Variants in TMEM132D observed in about 807,000 individuals in gnomAD.
TMEM132D encodes mature OL transmembrane protein.
Under a neutral mutation model 62.3 loss-of-function variants are expected in TMEM132D, and 21 were observed. The ratio of observed to expected loss-of-function variants is 0.34; its 90% CI spans 0.24 to 0.49. TMEM132D has a LOEUF of 0.49. TMEM132D is among the 20% of genes least tolerant of loss of function. The pLI is 0.99. For missense variants in TMEM132D, 1,346 were observed against 1,402.8 expected, an observed-to-expected ratio of 0.96 and a Z score of 0.65; for synonymous variants, 621 against 575.6, an observed-to-expected ratio of 1.08 and a Z score of -1.13.
intron 5 of TMEM132D, among the ~76,000 whole-genome samples, chr12:129,162,142 A>C (rs564789556): frequency 6.9e-4 from 105 of 152,162 alleles, no homozygotes; most frequent in African/African-American, 2.4e-3. Flanking sequence ...GTCTTTAGGG[A>C]AGTAATTAAG....
intron 8 of TMEM132D, among the ~76,000 whole-genome samples, chr12:129,078,231 A>G (rs1874341523): frequency 6.6e-6 from 1 of 152,348 alleles, no homozygotes; most frequent in South Asian, 2.1e-4. Flanking sequence ...ATGCACTTGC[A>G]CTATGGTGGA....
intron 2 of TMEM132D, among the ~76,000 whole-genome samples, chr12:129,628,786 C>A (rs1879283485): frequency 6.6e-6 from 1 of 152,074 alleles, no homozygotes; most frequent in South Asian, 2.1e-4. Context: ...TTCCTACATA[C>A]CTGCTGCTTT....
chr12:129,143,294 G>A (rs894830130), intron 5 of TMEM132D, among the ~76,000 whole-genome samples: 1 of 152,156 alleles, frequency 6.6e-6, no homozygotes, highest in East Asian at 1.9e-4. Context: ...ATATTATAAA[G>A]GATATTGCAA....
At chr12:129,118,157 T>C (rs1345278711) in intron 5 of TMEM132D, among the ~76,000 whole-genome samples, 1 of 152,248 alleles carries the variant, frequency 6.6e-6, no homozygotes, top group African/African-American at 2.4e-5. Flanking sequence ...TCAGAAATAT[T>C]GCAAAATTCT....
At chr12:129,366,033 T>A in intron 3 of TMEM132D, among the ~76,000 whole-genome samples, 1 of 152,168 alleles carries the variant, frequency 6.6e-6, no homozygotes, top group East Asian at 1.9e-4. Context: ...GTACTCATTC[T>A]ATATTTTAAT....
At chr12:129,314,891 AT>A (rs1488758439) in intron 4 of TMEM132D, among the ~76,000 whole-genome samples, 1 of 151,572 alleles carries the variant, frequency 6.6e-6, no homozygotes, top group Non-Finnish European at 1.5e-5. Context: ...TTATCTATCT[AT>A]TTATTTTTGC....
chr12:129,599,602 T>C (rs1878433752), intron 2 of TMEM132D, among the ~76,000 whole-genome samples: 1 of 152,190 alleles, frequency 6.6e-6, no homozygotes. Context: ...AATTCACACA[T>C]TTTAAGTGTG....
chr12:129,754,588 CGGGACA>C (rs1870105848), intron 1 of TMEM132D, among the ~76,000 whole-genome samples: 1 of 152,034 alleles, frequency 6.6e-6, no homozygotes, highest in African/African-American at 2.4e-5. Flanking sequence ...TGAGATCAGG[CGGGACA>C]CAGTAGAGGG....
intron 1 of TMEM132D, among the ~76,000 whole-genome samples, chr12:129,793,844 G>A (rs776733608): frequency 7.2e-5 from 11 of 152,016 alleles, no homozygotes; most frequent in East Asian, 3.9e-4. Context: ...ATGTATTGTC[G>A]GTGTTCTAAA....
chr12:129,878,456 G>T (rs1874498203), intron 1 of TMEM132D, among the ~76,000 whole-genome samples: 1 of 152,174 alleles, frequency 6.6e-6, no homozygotes, highest in Non-Finnish European at 1.5e-5. Flanking sequence ...CCATGTCGCT[G>T]GTTTTAGGCT....
At chr12:129,477,981 C>A (rs371771664) in intron 3 of TMEM132D, among the ~76,000 whole-genome samples, 5 of 152,084 alleles carry the variant, frequency 3.3e-5, no homozygotes, top group African/African-American at 9.7e-5. Flanking sequence ...TGGACTTACA[C>A]GAACCAAGAT....
chr12:129,726,136 T>G (rs557403178), intron 1 of TMEM132D, among the ~76,000 whole-genome samples: 4 of 152,286 alleles, frequency 2.6e-5, no homozygotes, highest in African/African-American at 9.6e-5. Flanking sequence ...CCTGTGTGGC[T>G]CCATGGGAAG....
intron 3 of TMEM132D, among the ~76,000 whole-genome samples, chr12:129,338,483 AT>A (rs1324936580): frequency 6.6e-6 from 1 of 152,178 alleles, no homozygotes; most frequent in Non-Finnish European, 1.5e-5. Context: ...TTTCTGGATT[AT>A]TTTTACAGCT....
At chr12:129,434,912 T>C (rs1213104823) in intron 3 of TMEM132D, among the ~76,000 whole-genome samples, 1 of 152,102 alleles carries the variant, frequency 6.6e-6, no homozygotes, top group East Asian at 1.9e-4. Context: ...CCAGAACTTA[T>C]TCCCCCATCT....
At chr12:129,444,396 A>T (rs60492753) in intron 3 of TMEM132D, among the ~76,000 whole-genome samples, 61,782 of 151,686 alleles carry the variant, frequency 0.41, 14,688 homozygotes, top group East Asian at 0.78. Flanking sequence ...TCATAAGGAA[A>T]TAAACAAATT....
intron 2 of TMEM132D, among the ~76,000 whole-genome samples, chr12:129,687,858 AAC>A (rs1211717707): frequency 6.6e-6 from 1 of 152,180 alleles, no homozygotes; most frequent in Non-Finnish European, 1.5e-5. Flanking sequence ...AGTAACAATG[AAC>A]CACCTGTTAG....
At chr12:129,352,918 C>A (rs1049701040) in intron 3 of TMEM132D, among the ~76,000 whole-genome samples, 7 of 152,154 alleles carry the variant, frequency 4.6e-5, no homozygotes, top group African/African-American at 1.7e-4. Context: ...TGGGTATATA[C>A]CCAAAGGATT....
chr12:129,676,013 C>A (rs946003667), intron 2 of TMEM132D, among the ~76,000 whole-genome samples: 5 of 152,192 alleles, frequency 3.3e-5, no homozygotes, highest in Non-Finnish European at 7.3e-5. Flanking sequence ...TTAATCAAAT[C>A]TTTCAGTCAA....
intron 1 of TMEM132D, among the ~76,000 whole-genome samples, chr12:129,747,952 C>T (rs145145481): frequency 3.9e-5 from 6 of 152,278 alleles, no homozygotes; most frequent in African/African-American, 1.2e-4. Flanking sequence ...CGCGGACAGG[C>T]GACGCGTATT....
Sources: gnomAD v4.1 joint callset for allele counts (sites outside exome capture counted in the v4.1 genomes callset) on GRCh38, gnomAD v4.1.1 for gene constraint, MANE v1.5 for transcripts, NCBI Gene and HGNC (gene_info 2026-07-23, HGNC 2026-07-21) for gene names.